Variants in SENP6 observed in about 807,000 individuals in gnomAD.
SENP6 encodes SUMO specific peptidase 6, also known as sentrin-specific protease 6.
SENP6 carries 41 observed loss-of-function variants against 134.5 expected under a neutral mutation model. The observed-to-expected ratio is 0.30, with a 90% confidence interval of 0.24 to 0.40. SENP6 has a LOEUF of 0.40. Among genes scored for constraint, SENP6 ranks in the 10% least tolerant of loss-of-function variants. The pLI is 1.00. For synonymous variants in SENP6, 395 were observed against 429.8 expected (o/e 0.92, Z 1.00); for missense variants, 1,248 against 1,312.5 (o/e 0.95, Z 0.76).
At chr6:75,683,114 G>C (rs142990924) in intron 16 of SENP6, among the ~76,000 whole-genome samples, 3 of 152,238 alleles carry the variant, frequency 2.0e-5, no homozygotes, top group Admixed American at 2.0e-4. Flanking sequence ...GGCATGAGAT[G>C]GTTATCTCAT....
At chr6:75,691,082 G>A (rs528441608) in intron 16 of SENP6, among the ~76,000 whole-genome samples, 36 of 149,106 alleles carry the variant, frequency 2.4e-4, no homozygotes, top group Middle Eastern at 3.4e-3. Flanking sequence ...GGGCTGAAGC[G>A]ATCCTCCCAC....
At chr6:75,606,343 T>G (rs1767024772) in intron 1 of SENP6, among the ~76,000 whole-genome samples, 1 of 152,232 alleles carries the variant, frequency 6.6e-6, no homozygotes, top group Non-Finnish European at 1.5e-5. Flanking sequence ...TTTGACTTGT[T>G]TCTTTCACTT....
intron 17 of SENP6, 140 bp downstream of exon 17, chr6:75,696,063 C>G (rs1195360959): frequency 1.4e-6 from 1 of 691,980 alleles, no homozygotes; most frequent in Non-Finnish European, 2.2e-6. Flanking sequence ...GAAGAGAACA[C>G]ACTAAATAAA....
chr6:75,679,865 T>C (rs1201025546), intron 16 of SENP6: 1 of 152,236 alleles, frequency 6.6e-6, no homozygotes, highest in Non-Finnish European at 1.5e-5. Context: ...TTTTAAAAAT[T>C]GATGCTGGAA....
chr6:75,698,495 A>G (rs934696383), intron 18 of SENP6, among the ~76,000 whole-genome samples: 33 of 148,020 alleles, frequency 2.2e-4, no homozygotes, highest in Non-Finnish European at 3.6e-4. Flanking sequence ...TAGCTTCTGA[A>G]TTTTTTTTTT....
chr6:75,641,619 AAC>A (rs904056897), intron 6 of SENP6, among the ~76,000 whole-genome samples: 8 of 152,222 alleles, frequency 5.3e-5, no homozygotes, highest in African/African-American at 1.9e-4. Flanking sequence ...TGTTTAAGAA[AAC>A]ACACACATTT....
chr6:75,675,427 T>C lies in SENP6; in HGVS notation c.1393-8T>C. The C allele has an allele frequency of 7.1e-7, 1 of 1,407,760 alleles. No individual in the cohort carries two copies. Among genetic ancestry groups the C allele is most frequent in the Non-Finnish European group, 9.8e-7 (1 of 1,019,466 alleles). The allele number at this position is 1,407,760 out of a possible 1,614,324, so 87.2% of individuals were successfully genotyped here. A position where few individuals can be genotyped will look rare whatever the true frequency, so the allele number is the denominator to read the frequency against. On this transcript the variant is annotated splice_polypyrimidine_tract_variant and splice_region_variant and intron_variant, in intron 11 of 23. Coordinates refer to ENST00000447266, the MANE Select transcript of SENP6 (RefSeq NM_015571.4). ...TCTAGAGCAATACTAATTCATCTTT[T>C]TTTTTAGTTTTGTTTAGATTTTATC... is the stretch of plus-strand genomic sequence containing the variant.
chr6:75,617,666 A>G (rs916449279), intron 1 of SENP6, among the ~76,000 whole-genome samples: 30 of 152,170 alleles, frequency 2.0e-4, no homozygotes, highest in Admixed American at 1.6e-3. Context: ...CAACTATGAA[A>G]TTTAACATTT....
intron 3 of SENP6, among the ~76,000 whole-genome samples, chr6:75,626,537 A>G (rs1235561428): frequency 3.9e-5 from 6 of 152,180 alleles, no homozygotes; most frequent in Non-Finnish European, 8.8e-5. Flanking sequence ...GTTTGTCCCT[A>G]CTGATGAATA....
At chr6:75,639,698 G>A (rs1769881125) in intron 5 of SENP6, among the ~76,000 whole-genome samples, 1 of 152,082 alleles carries the variant, frequency 6.6e-6, no homozygotes, top group Non-Finnish European at 1.5e-5. Flanking sequence ...GAACTATGGA[G>A]AAGGGTGGAA....
chr6:75,669,910 C>T (rs548637499), intron 10 of SENP6, among the ~76,000 whole-genome samples: 3 of 150,422 alleles, frequency 2.0e-5, no homozygotes, highest in East Asian at 2.0e-4. Context: ...CCAAAACTTA[C>T]GTAAGTTATT....
At chr6:75,669,059 G>A (rs1699667396) in intron 10 of SENP6, among the ~76,000 whole-genome samples, 1 of 152,102 alleles carries the variant, frequency 6.6e-6, no homozygotes, top group Admixed American at 6.5e-5. Flanking sequence ...TTAATAATAA[G>A]GGAAAATAGG....
chr6:75,713,063 CGCT>C (rs1775844575), intron 21 of SENP6, among the ~76,000 whole-genome samples: 1 of 152,042 alleles, frequency 6.6e-6, no homozygotes. Flanking sequence ...GCTGTTATTA[CGCT>C]GCTTCACATG....
intron 7 of SENP6, among the ~76,000 whole-genome samples, chr6:75,655,627 A>G (rs1290816763): frequency 6.6e-6 from 1 of 152,196 alleles, no homozygotes; most frequent in Non-Finnish European, 1.5e-5. Context: ...TGGTGCTTGC[A>G]TCAATAGTTT....
chr6:75,696,032 CT>C, intron 17 of SENP6, 109 bp downstream of exon 17: 2 of 983,972 alleles, frequency 2.0e-6, no homozygotes, highest in Non-Finnish European at 2.9e-6. Context: ...CTCTTGCTTA[CT>C]TTTTAAATTC....
At chr6:75,624,609 C>A (rs1768527560) in intron 3 of SENP6, among the ~76,000 whole-genome samples, 1 of 152,060 alleles carries the variant, frequency 6.6e-6, no homozygotes, top group Non-Finnish European at 1.5e-5. Context: ...GTTTTAATTT[C>A]CATTTTATTT....
chr6:75,691,794 C>T (rs990354172), intron 16 of SENP6, among the ~76,000 whole-genome samples: 1 of 151,902 alleles, frequency 6.6e-6, no homozygotes. Context: ...CGGGGTTTCA[C>T]CGTGTTAGCC....
chr6:75,650,474 A>C (rs1221725225), intron 7 of SENP6, among the ~76,000 whole-genome samples: 1 of 152,082 alleles, frequency 6.6e-6, no homozygotes, highest in Non-Finnish European at 1.5e-5. Flanking sequence ...ATGTTTGTCT[A>C]ATGTTGATTT....
chr6:75,649,457 G>C (rs1770700544), intron 7 of SENP6, among the ~76,000 whole-genome samples: 1 of 152,226 alleles, frequency 6.6e-6, no homozygotes. Flanking sequence ...GCATATTCAA[G>C]TTAAGAGAAA....
Sources: allele counts gnomAD v4.1 joint callset (sites outside exome capture counted in the v4.1 genomes callset), GRCh38; gene constraint gnomAD v4.1.1; transcripts MANE v1.5; gene names NCBI Gene and HGNC (gene_info 2026-07-23, HGNC 2026-07-21).